Variants in THSD7A observed in about 807,000 individuals in gnomAD.
THSD7A encodes thrombospondin type 1 domain containing 7A.
THSD7A carries 96 observed loss-of-function variants against 231.3 expected under a neutral mutation model. That is an observed-to-expected ratio of 0.41 (90% confidence interval 0.35 to 0.49). The LOEUF is 0.49. THSD7A is among the 20% of genes least tolerant of loss of function. The pLI, the probability that THSD7A is intolerant of heterozygous loss-of-function variation, is 0.05. For missense variants in THSD7A, 2,290 were observed against 2,070.2 expected (o/e 1.11, Z -2.06); for synonymous variants, 940 against 743.3 (o/e 1.26, Z -4.30).
chr7:11,664,655 T>C (rs2128374909), intron 1 of THSD7A, among the ~76,000 whole-genome samples: 1 of 152,048 alleles, frequency 6.6e-6, no homozygotes, highest in South Asian at 2.1e-4. Context: ...AGATGACAGA[T>C]ACATACTTTC....
intron 1 of THSD7A, among the ~76,000 whole-genome samples, chr7:11,782,960 A>G (rs1303663177): frequency 6.6e-6 from 1 of 152,132 alleles, no homozygotes; most frequent in Non-Finnish European, 1.5e-5. Context: ...TGTTTTGGTG[A>G]GTAATCCTGA....
intron 3 of THSD7A, among the ~76,000 whole-genome samples, chr7:11,592,907 T>C (rs2128341779): frequency 6.6e-6 from 1 of 152,268 alleles, no homozygotes; most frequent in Admixed American, 6.5e-5. Context: ...CCACGCTCAG[T>C]TGTTTACATA....
chr7:11,654,743 A>G (rs1782643633), intron 1 of THSD7A, among the ~76,000 whole-genome samples: 1 of 151,960 alleles, frequency 6.6e-6, no homozygotes, highest in Non-Finnish European at 1.5e-5. Flanking sequence ...TTGAAGACAC[A>G]TGCAGATGAA....
intron 1 of THSD7A, among the ~76,000 whole-genome samples, chr7:11,820,039 C>T (rs1417203312): frequency 6.6e-6 from 1 of 152,116 alleles, no homozygotes; most frequent in Non-Finnish European, 1.5e-5. Flanking sequence ...CCTGCCCCCA[C>T]CCCACACACC....
intron 2 of THSD7A, among the ~76,000 whole-genome samples, chr7:11,615,729 ATGTGCAAT>A (rs1395284239): frequency 1.3e-5 from 2 of 152,140 alleles, no homozygotes; most frequent in Non-Finnish European, 2.9e-5. Flanking sequence ...TCCAATGACA[ATGTGCAAT>A]TGTAGTCAAT....
chr7:11,430,373 A>G (rs1784443529), intron 13 of THSD7A, among the ~76,000 whole-genome samples: 1 of 152,100 alleles, frequency 6.6e-6, no homozygotes, highest in Non-Finnish European at 1.5e-5. Context: ...CCCCTTCCTC[A>G]TCCCCTGACA....
chr7:11,550,362 C>A (rs1333058132), intron 4 of THSD7A, among the ~76,000 whole-genome samples: 4 of 152,118 alleles, frequency 2.6e-5, no homozygotes, highest in African/African-American at 9.7e-5. Context: ...GAAAAACATT[C>A]TATGCTCTTG....
intron 1 of THSD7A, among the ~76,000 whole-genome samples, chr7:11,762,772 C>T (rs1782906106): frequency 6.6e-6 from 1 of 151,834 alleles, no homozygotes; most frequent in Non-Finnish European, 1.5e-5. Context: ...AAGATCTCTA[C>T]AAACTACAAA....
chr7:11,541,747 G>A (rs1789158825), intron 5 of THSD7A, 116 bp from the exon 6 acceptor site: 2 of 948,688 alleles, frequency 2.1e-6, no homozygotes, highest in Non-Finnish European at 1.6e-6. Flanking sequence ...AGTCATTTCT[G>A]TTTTGAGTCA....
At position 11,831,849 on chromosome 7, in the gene THSD7A, G is replaced by T. The variant is rs1411237389; in HGVS notation, c.98C>A (p.Pro33Gln). ...LQLLPLPLPL[P>Q]LLLLLLLRPG... ...GCGTAGCAGCAGCAGCAGGAGCAGC[G>T]GCAGCGGCAGCGGCAGCGGCAGCAG... is the stretch of plus-strand genomic sequence containing the variant. The change falls in exon 1 of 28, where the codon CCG (proline) becomes CAG (glutamine). Residue 33 changes from proline (P) to glutamine (Q), a missense_variant. By Grantham distance (76) the Pro-to-Gln change is moderately conservative (BLOSUM62 -1). Coordinates refer to ENST00000423059, the MANE Select transcript of THSD7A (RefSeq NM_015204.3). The surrounding 1 kb of genome is among the most constrained non-coding windows in gnomAD (Gnocchi z 5.0). 2.4e-6 allele frequency: 3 copies of T among 1,244,602 alleles called. No homozygotes were observed. Among genetic ancestry groups the T allele is most frequent in the African/African-American group, 3.1e-5 (2 of 63,754 alleles). 77.1% of individuals were successfully genotyped at this position (1,244,602 alleles called of 1,614,324 possible).
At position 11,375,987 on chromosome 7, in the gene THSD7A, G is replaced by A. The variant is rs187598263; in HGVS notation, c.4890-109C>T. 4,091 of 866,590 alleles carry A rather than the reference G, an allele frequency of 4.7e-3. 19 individuals carry two copies. Among genetic ancestry groups the A allele is most frequent in the South Asian group, 8.1e-3 (535 of 66,144 alleles). The allele number at this position is 866,590 out of a possible 1,614,324, so 53.7% of individuals were successfully genotyped here. A position where few individuals can be genotyped will look rare whatever the true frequency, so the allele number is the denominator to read the frequency against. ...CAAATTGATAAACTGAAATTGCCTC[G>A]TTGCCTGCGTTGCCTAAAGTCTATC... On this transcript the variant is annotated intron_variant, in intron 27 of 27. Coordinates refer to ENST00000423059, the MANE Select transcript of THSD7A (RefSeq NM_015204.3).
intron 6 of THSD7A, among the ~76,000 whole-genome samples, chr7:11,493,796 T>C (rs1786992490): frequency 6.6e-6 from 1 of 152,094 alleles, no homozygotes; most frequent in African/African-American, 2.4e-5. Flanking sequence ...CTTTTTTGTT[T>C]CATGGTCATC....
At chr7:11,624,841 G>C (rs1781428709) in intron 2 of THSD7A, among the ~76,000 whole-genome samples, 1 of 151,976 alleles carries the variant, frequency 6.6e-6, no homozygotes, top group Non-Finnish European at 1.5e-5. Context: ...TAGGGATAAG[G>C]CTTTATACAG....
chr7:11,379,402 CTA>C, intron 25 of THSD7A, 122 bp from the exon 26 acceptor site: 1 of 982,136 alleles, frequency 1.0e-6, no homozygotes, highest in East Asian at 2.5e-5. Context: ...CATAATTCCT[CTA>C]TTATTTTTAA....
intron 13 of THSD7A, among the ~76,000 whole-genome samples, chr7:11,441,843 G>A (rs1784813309): frequency 6.6e-6 from 1 of 151,868 alleles, no homozygotes; most frequent in Admixed American, 6.6e-5. Flanking sequence ...GGGGTCGGGG[G>A]CTAGGGGAGG....
intron 1 of THSD7A, among the ~76,000 whole-genome samples, chr7:11,751,810 C>T (rs1394632306): frequency 6.6e-6 from 1 of 151,968 alleles, no homozygotes; most frequent in East Asian, 1.9e-4. Flanking sequence ...ATAACCCAAC[C>T]CCTGGTATTA....
chr7:11,528,904 G>T (rs570647900), intron 6 of THSD7A, among the ~76,000 whole-genome samples: 1 of 152,052 alleles, frequency 6.6e-6, no homozygotes, highest in Non-Finnish European at 1.5e-5. Flanking sequence ...AGTACCAGCG[G>T]TCTTAAAGTT....
intron 6 of THSD7A, among the ~76,000 whole-genome samples, chr7:11,533,060 G>A (rs1788769228): frequency 6.6e-6 from 1 of 152,128 alleles, no homozygotes; most frequent in Non-Finnish European, 1.5e-5. Flanking sequence ...ATAAAAAGAA[G>A]GTTGTGTGAA....
At chr7:11,733,837 A>C (rs748398122) in intron 1 of THSD7A, among the ~76,000 whole-genome samples, 1 of 151,958 alleles carries the variant, frequency 6.6e-6, no homozygotes, top group Non-Finnish European at 1.5e-5. Flanking sequence ...GATATTTTTC[A>C]GTTCATATTT....
Sources: gnomAD v4.1 joint callset for allele counts (sites outside exome capture counted in the v4.1 genomes callset) on GRCh38, gnomAD v4.1.1 for gene constraint, Gnocchi (gnomAD v3.1) non-coding constraint, MANE v1.5 for transcripts, NCBI Gene and HGNC (gene_info 2026-07-23, HGNC 2026-07-21) for gene names.